LCP1: variants seen among roughly 807,000 people sequenced by gnomAD.
LCP1 encodes the protein plastin-2.
LCP1 carries 23 observed loss-of-function variants against 72.0 expected under a neutral mutation model. The ratio of observed to expected loss-of-function variants is 0.32; its 90% CI spans 0.23 to 0.45. LCP1 has a LOEUF of 0.45. LCP1 is among the 20% of genes least tolerant of loss of function. The probability of loss-of-function intolerance (pLI) is 1.00; values close to 1 mark genes in which losing one functional copy is unlikely to be tolerated. For missense variants in LCP1, 571 were observed against 748.3 expected, an observed-to-expected ratio of 0.76 and a Z score of 2.76; for synonymous variants, 245 against 275.4, an observed-to-expected ratio of 0.89 and a Z score of 1.09.
At chr13:46,170,354 A>G (rs954892552) in intron 1 of LCP1, among the ~76,000 whole-genome samples, 2 of 152,226 alleles carry the variant, frequency 1.3e-5, no homozygotes, top group African/African-American at 4.8e-5. Context: ...GCCTAGCCCT[A>G]CCTTGCCAGC....
chr13:46,142,295 C>T lies in LCP1; in HGVS notation c.1499G>A (p.Arg500Lys). 1 of 1,613,632 alleles carries T rather than the reference C, an allele frequency of 6.2e-7. No individual in the cohort carries two copies. ...LTLALIWQLMRRYTLNILEEI... is the reference protein window; with the variant it reads ...LTLALIWQLMKRYTLNILEEI... ...CCACTTCCATAAGCTATACTACCTT[C>T]TCATTAGCTGCCAAATCAAGGCCAG... is the stretch of plus-strand genomic sequence containing the variant. Residue 500 changes from arginine (R) to lysine (K), a missense_variant, in exon 13 of 16, where the codon AGA (arginine) becomes AAA (lysine). Coordinates refer to ENST00000323076, the MANE Select transcript of LCP1 (RefSeq NM_002298.5).
chr13:46,132,960 C>T (rs1012439546), intron 14 of LCP1, among the ~76,000 whole-genome samples: 8 of 152,140 alleles, frequency 5.3e-5, no homozygotes, highest in African/African-American at 1.7e-4. Context: ...CTAATCCTGA[C>T]CTTCAAGCTA....
Position 46,180,599 on chromosome 13 carries a change from TAGA to T in LCP1, c.-25+1509_-25+1511del, listed in dbSNP as rs372540087. Among the ~76,000 whole-genome samples the T allele has an allele frequency of 3.6e-3, 549 of 152,300 alleles. 3 individuals carry two copies. Among genetic ancestry groups the T allele is most frequent in the African/African-American group, 0.013 (520 of 41,558 alleles). On this transcript the variant is annotated intron_variant, in intron 1 of 15. Coordinates refer to ENST00000323076, the MANE Select transcript of LCP1 (RefSeq NM_002298.5). ...CAGTGCTTGTTCAAAGGGCAAGACC[TAGA>T]AGATTTTTCCCCTGATGTTCCTGGG...
In LCP1 at chr13:46,134,269, G is replaced by T. The variant is rs1286521033; in HGVS notation, c.1503-19C>A. 1 of 1,601,776 alleles carries T rather than the reference G, an allele frequency of 6.2e-7. No individual in the cohort carries two copies. The highest frequency in any genetic ancestry group is 8.5e-7 in the Non-Finnish European group (1 of 1,173,980). On this transcript the variant is annotated intron_variant, in intron 13 of 15. Transcript: ENST00000323076. ...TGTATACCTGAACAAAATAAAGAAT[G>T]CTTTCTGGAGAACAGTTGCTAAAGA... is the stretch of plus-strand genomic sequence containing the variant.
chr13:46,159,283 A>T (rs1209223089), intron 2 of LCP1: 4 of 522,138 alleles, frequency 7.7e-6, no homozygotes, highest in Non-Finnish European at 1.4e-5. Context: ...AGTGATAAAG[A>T]GTAAGAGAAA....
In LCP1 at chr13:46,147,000, T is replaced by C. The variant is rs150454044; in HGVS notation, c.1082A>G (p.Lys361Arg). The change falls in exon 10 of 16, where the codon AAG becomes AGG. Residue 361 changes from lysine (K) to arginine (R), a missense_variant. Physicochemically the swap from Lys to Arg is conservative, Grantham distance 26 (BLOSUM62 2). Coordinates refer to ENST00000323076, the MANE Select transcript of LCP1 (RefSeq NM_002298.5). ...TATDVVRGNPKLNLAFIANLF... is the reference protein window; with the variant it reads ...TATDVVRGNPRLNLAFIANLF... ...GTTGGCAATAAAAGCCAAGTTCAAC[T>C]TGGGGTTCCCTCGGACAACATCTGT... 6.2e-7 allele frequency: 1 copy of C among 1,613,996 alleles called. No individual in the cohort carries two copies. The highest frequency in any genetic ancestry group is 8.5e-7 in the Non-Finnish European group (1 of 1,180,010).
At chr13:46,160,702 T>C (rs193098436) in intron 1 of LCP1, among the ~76,000 whole-genome samples, 49 of 152,080 alleles carry the variant, frequency 3.2e-4, no homozygotes, top group African/African-American at 1.1e-3. Context: ...AAACAGAAAA[T>C]GGATGATAAT....
chr13:46,139,074 C>T (rs1008410380), intron 13 of LCP1, among the ~76,000 whole-genome samples: 5 of 152,138 alleles, frequency 3.3e-5, no homozygotes, highest in Non-Finnish European at 7.4e-5. Context: ...GTATGAATTG[C>T]TAATCTGTTA....
chr13:46,159,040 T>C (rs370632041), intron 2 of LCP1, 51 bp from the exon 3 acceptor site: 3 of 1,571,014 alleles, frequency 1.9e-6, no homozygotes, highest in Non-Finnish European at 2.6e-6. Context: ...GGCAACAGCT[T>C]TTAGAGAGGT....
intron 11 of LCP1, 65 bp downstream of exon 11, chr13:46,144,377 T>C: frequency 8.0e-7 from 1 of 1,246,624 alleles, no homozygotes; most frequent in Admixed American, 1.8e-5. Flanking sequence ...ATAGTGGTAT[T>C]TGGAATCCTA....
intron 9 of LCP1, among the ~76,000 whole-genome samples, chr13:46,147,720 G>A (rs532653101): frequency 6.6e-6 from 1 of 152,120 alleles, no homozygotes; most frequent in Admixed American, 6.5e-5. Context: ...AATAATTCTA[G>A]AGAATCTCTA....
At chr13:46,138,370 G>A (rs1459619232) in intron 13 of LCP1, among the ~76,000 whole-genome samples, 1 of 152,112 alleles carries the variant, frequency 6.6e-6, no homozygotes, top group Non-Finnish European at 1.5e-5. Flanking sequence ...CCCTTCCGGT[G>A]CCATTTATAT....
chr13:46,138,936 G>A (rs368838596), intron 13 of LCP1, among the ~76,000 whole-genome samples: 5 of 152,062 alleles, frequency 3.3e-5, no homozygotes, highest in South Asian at 2.1e-4. Flanking sequence ...ATGAGCCACC[G>A]CACCCGCTGG....
At chr13:46,169,966 T>C (rs2045896825) in intron 1 of LCP1, among the ~76,000 whole-genome samples, 1 of 152,220 alleles carries the variant, frequency 6.6e-6, no homozygotes, top group African/African-American at 2.4e-5. Flanking sequence ...CAGTGAGCCC[T>C]TCCTCTGAGC....
chr13:46,180,418 T>G (rs1332835786), intron 1 of LCP1, among the ~76,000 whole-genome samples: 3 of 152,190 alleles, frequency 2.0e-5, no homozygotes, highest in Admixed American at 2.0e-4. Context: ...GAGATAGAAT[T>G]ATAAATGAAG....
At chr13:46,144,312 G>T in intron 11 of LCP1, 130 bp downstream of exon 11, 2 of 679,480 alleles carry the variant, frequency 2.9e-6, no homozygotes, top group Non-Finnish European at 2.6e-6. Context: ...AGCTCAACTT[G>T]GCACTTTTTC....
intron 9 of LCP1, 37 bp from the exon 10 acceptor site, chr13:46,147,140 G>C: frequency 6.7e-7 from 1 of 1,502,380 alleles, no homozygotes; most frequent in Non-Finnish European, 8.9e-7. Context: ...CTGGGTCAAG[G>C]CTCTCCATGC....
chr13:46,142,426 C>T lies in LCP1; in HGVS notation c.1369-1G>A. The T allele has an allele frequency of 6.2e-7, 1 of 1,613,018 alleles. No individual in the cohort carries two copies. Among genetic ancestry groups the T allele is most frequent in the Non-Finnish European group, 8.5e-7 (1 of 1,179,268 alleles). Reference sequence around the variant, plus strand: ...CTACCGCGTAGTTACAATTCTCAAGCTGAATGAGCAGAAAGGAAAACGATT... The same window carrying T: ...CTACCGCGTAGTTACAATTCTCAAGTTGAATGAGCAGAAAGGAAAACGATT... On this transcript the variant is annotated splice_acceptor_variant, in intron 12 of 15. Coordinates refer to ENST00000323076, the MANE Select transcript of LCP1 (RefSeq NM_002298.5). LOFTEE classifies it high-confidence loss of function.
At chr13:46,174,971 G>A (rs975697843) in intron 1 of LCP1, among the ~76,000 whole-genome samples, 34 of 151,976 alleles carry the variant, frequency 2.2e-4, no homozygotes, top group African/African-American at 7.7e-4. Context: ...ATACAAAACA[G>A]TTTAAATAGA....
Sources: gnomAD v4.1 joint callset for allele counts (sites outside exome capture counted in the v4.1 genomes callset) on GRCh38, gnomAD v4.1.1 for gene constraint, MANE v1.5 for transcripts, NCBI Gene and HGNC (gene_info 2026-07-23, HGNC 2026-07-21) for gene names.